Variants in GSAP observed in about 807,000 individuals in gnomAD.
GSAP encodes gamma-secretase activating protein.
In GSAP, 118 loss-of-function variants were observed where a neutral mutation model predicts 131.7. That is an observed-to-expected ratio of 0.90 (90% CI 0.77 to 1.04). The LOEUF (loss-of-function observed/expected upper bound fraction) is 1.04. GSAP is among the 50% of genes least tolerant of loss of function. The pLI is 0.00. For missense variants in GSAP, 1,019 were observed against 1,013.2 expected (o/e 1.01, Z -0.08); for synonymous variants, 381 against 363.4 (o/e 1.05, Z -0.55).
intron 19 of GSAP, among the ~76,000 whole-genome samples, chr7:77,337,296 T>C (rs894739330): frequency 5.6e-4 from 21 of 37,818 alleles, no homozygotes; most frequent in South Asian, 1.1e-3. Context: ...GGGGCGGGGG[T>C]GGGGTGGGGG....
chr7:77,313,430 A>C, intron 28 of GSAP, 58 bp downstream of exon 28: 1 of 853,344 alleles, frequency 1.2e-6, no homozygotes, highest in Non-Finnish European at 1.9e-6. Flanking sequence ...TGCAAGAAGA[A>C]ATTGAAGGAG....
intron 5 of GSAP, among the ~76,000 whole-genome samples, chr7:77,396,697 T>A (rs1800454022): frequency 6.6e-6 from 1 of 152,168 alleles, no homozygotes; most frequent in African/African-American, 2.4e-5. Flanking sequence ...TATACCAACA[T>A]CTGACCATAG....
intron 8 of GSAP, among the ~76,000 whole-genome samples, chr7:77,377,644 C>A (rs925247598): frequency 3.9e-5 from 6 of 152,172 alleles, no homozygotes; most frequent in African/African-American, 1.4e-4. Flanking sequence ...AGCAGACAGG[C>A]TGAGGCTGTT....
At chr7:77,410,343 C>T (rs1483964818) in intron 1 of GSAP, among the ~76,000 whole-genome samples, 5 of 152,300 alleles carry the variant, frequency 3.3e-5, no homozygotes, top group African/African-American at 1.2e-4. Flanking sequence ...TCGGCTCTTC[C>T]TCCCTGGACG....
Position 77,311,298 on chromosome 7 carries a change from G to T in GSAP, c.*60C>A. 1.1e-6 allele frequency: 1 copy of T among 942,076 alleles called. No individual in the cohort carries two copies. The highest frequency in any genetic ancestry group is 1.3e-5 in the South Asian group (1 of 75,528). 58.4% of individuals were successfully genotyped at this position (942,076 alleles called of 1,614,324 possible). On this transcript the variant is annotated 3_prime_UTR_variant, in exon 31 of 31. Coordinates refer to ENST00000257626, the MANE Select transcript of GSAP (RefSeq NM_017439.4). ...TAAATATTGTTAAAGAATTCTCAAAGGAGTAAGGTTAATGAGCAAGATTAA... is the reference window on the plus strand; with the variant it reads ...TAAATATTGTTAAAGAATTCTCAAATGAGTAAGGTTAATGAGCAAGATTAA...
At chr7:77,402,410 A>AC (rs201433816) in intron 3 of GSAP, among the ~76,000 whole-genome samples, 1 of 121,562 alleles carries the variant, frequency 8.2e-6, no homozygotes, top group African/African-American at 3.0e-5. Context: ...AAGAAAAAAA[A>AC]AATATATATA....
chr7:77,397,489 T>G, intron 3 of GSAP, 74 bp from the exon 4 acceptor site: 1 of 849,722 alleles, frequency 1.2e-6, no homozygotes, highest in Non-Finnish European at 1.9e-6. Flanking sequence ...TAAATTCCCA[T>G]TAAGCTCTGT....
intron 19 of GSAP, chr7:77,330,857 CA>C (rs2150684829): frequency 2.0e-6 from 2 of 980,690 alleles, no homozygotes; most frequent in Non-Finnish European, 2.4e-6. Flanking sequence ...ACCTAGGAAT[CA>C]AAAAAAGATA....
In GSAP at chr7:77,329,059, T is replaced by C. The variant is rs567868961; in HGVS notation, c.1733+274A>G. Among the ~76,000 whole-genome samples, 5 of 152,198 alleles carry C rather than the reference T, an allele frequency of 3.3e-5. No homozygotes were observed. The South Asian group carries it at 1.0e-3, about 32-fold the overall frequency. ...TACTATTTGCCTTTCTCTCCTAAAA[T>C]GCTAATAGGAAATTTCTTTACCAAT... On this transcript the variant is annotated intron_variant, in intron 21 of 30. Transcript: ENST00000257626.
intron 11 of GSAP, 136 bp from the exon 12 acceptor site, chr7:77,374,291 T>C (rs986600125): frequency 1.8e-6 from 1 of 555,136 alleles, no homozygotes; most frequent in Admixed American, 3.7e-5. Flanking sequence ...GATAACTTTT[T>C]TTGGTTAATA....
chr7:77,348,317 T>A (rs975796685), intron 19 of GSAP, among the ~76,000 whole-genome samples: 4 of 152,210 alleles, frequency 2.6e-5, no homozygotes, highest in Non-Finnish European at 5.9e-5. Context: ...TTCATCTTCA[T>A]ATGTTAGTAG....
At position 77,314,377 on chromosome 7, in the gene GSAP, G is replaced by C. The variant is rs533760137; in HGVS notation, c.2202C>G (p.Leu734=). 2.3e-5 allele frequency: 37 copies of C among 1,613,562 alleles called. No homozygotes were observed. Among genetic ancestry groups the C allele is most frequent in the Non-Finnish European group, 3.0e-5 (35 of 1,179,762 alleles). The change falls in exon 27 of 31, where the codon CTC becomes CTG. Residue 734 remains leucine, a synonymous_variant. Transcript: ENST00000257626. ...AAACTCAGGGCTTCTTACCTTTCAT[G>C]AGCCTTATGACAGCTGTTTCAGTGA... is the stretch of plus-strand genomic sequence containing the variant. ...LLLTETAVIR[L]MKDLDNTEKN... is the part of the protein sequence containing the mutation.
chr7:77,416,357 C>G (rs1425773565), upstream of GSAP: 1 of 1,273,408 alleles, frequency 7.9e-7, no homozygotes, highest in South Asian at 1.5e-5. Flanking sequence ...TCTGGGGCCC[C>G]GCACCGCGGG....
chr7:77,349,351 C>G lies in GSAP; in HGVS notation c.1545G>C (p.Lys515Asn), dbSNP rs1238212505. Residue 515 changes from lysine to asparagine, a missense_variant and splice_region_variant, in exon 19 of 31, where the codon AAG (lysine) becomes AAC (asparagine). Coordinates refer to ENST00000257626, the MANE Select transcript of GSAP (RefSeq NM_017439.4). ...VTEDIALPLM[K>N]VLSFKGYWEK... ...TTGTTTCTTGCTGTAAGGGACCTAC[C>G]TTCATAAGAGGCAATGCAATGTCTT... 6.2e-7 allele frequency: 1 copy of G among 1,608,532 alleles called. No individual in the cohort carries two copies. The highest frequency in any genetic ancestry group is 8.5e-7 in the Non-Finnish European group (1 of 1,175,096).
intron 26 of GSAP, among the ~76,000 whole-genome samples, chr7:77,318,170 C>T (rs957807299): frequency 2.6e-5 from 4 of 152,218 alleles, no homozygotes; most frequent in Non-Finnish European, 4.4e-5. Flanking sequence ...AGCTCTGTCA[C>T]TTAATAGCTA....
In GSAP at chr7:77,334,579, T is replaced by TAAAAAAAAAAAAAAAAAAA. The variant is rs1200040086; in HGVS notation, c.1546-4213_1546-4212insTTTTTTTTTTTTTTTTTTT. The stretch of plus-strand genomic sequence containing the variant: ...GCCCATGTATCCTGGAACTTAAAAT[T>TAAAAAAAAAAAAAAAAAAA]TAAAAAAAAAAAAAAAAAAAAAAAA... On this transcript the variant is annotated intron_variant, in intron 19 of 30. Transcript: ENST00000257626. Among the ~76,000 whole-genome samples, 523 of 82,256 alleles carry TAAAAAAAAAAAAAAAAAAA rather than the reference T, an allele frequency of 6.4e-3. 71 individuals carry two copies. The highest frequency in any genetic ancestry group is 0.013 in the Middle Eastern group (2 of 158). The allele number at this position is 82,256 out of a possible 152,430, so 54.0% of individuals were successfully genotyped here.
At chr7:77,364,788 C>G (rs925011730) in intron 12 of GSAP, among the ~76,000 whole-genome samples, 3 of 152,146 alleles carry the variant, frequency 2.0e-5, no homozygotes, top group African/African-American at 7.2e-5. Context: ...TTGCCCCACC[C>G]AATCCCAAAG....
At chr7:77,314,641 C>G in intron 26 of GSAP, 152 bp from the exon 27 acceptor site, 1 of 738,268 alleles carries the variant, frequency 1.4e-6, no homozygotes, top group South Asian at 1.8e-5. Flanking sequence ...AAGTTTCCTT[C>G]TCTGTATTAT....
chr7:77,330,752 C>G, intron 19 of GSAP: 17 of 986,516 alleles, frequency 1.7e-5, no homozygotes, highest in Non-Finnish European at 2.0e-5. Flanking sequence ...GTCAACAGTG[C>G]CATGTTCACT....
Sources: allele counts gnomAD v4.1 joint callset (sites outside exome capture counted in the v4.1 genomes callset), GRCh38; gene constraint gnomAD v4.1.1; transcripts MANE v1.5; gene names NCBI Gene and HGNC (gene_info 2026-07-23, HGNC 2026-07-21).